The following AKAP12 variants were observed in gnomAD, a reference collection of about 807,000 sequenced individuals.
AKAP12 encodes the protein A-kinase anchor protein 12.
AKAP12 carries 32 observed loss-of-function variants against 79.9 expected under a neutral mutation model. That is an observed-to-expected ratio of 0.40 (90% CI 0.30 to 0.54). The LOEUF is 0.54. Ranked by LOEUF, AKAP12 falls within the 20% of genes least tolerant of loss-of-function variation. The pLI is 0.48. For synonymous variants in AKAP12, 808 were observed against 857.0 expected (o/e 0.94, Z 1.00); for missense variants, 2,074 against 2,177.0 (o/e 0.95, Z 0.94).
intron 2 of AKAP12, among the ~76,000 whole-genome samples, chr6:151,289,484 A>T (rs1345948521): frequency 1.3e-5 from 2 of 152,238 alleles, no homozygotes; most frequent in Non-Finnish European, 2.9e-5. Flanking sequence ...AAAAAAGCAA[A>T]AAGCCAAAAA....
At chr6:151,286,980 C>A (rs1440897253) in intron 2 of AKAP12, among the ~76,000 whole-genome samples, 1 of 151,782 alleles carries the variant, frequency 6.6e-6, no homozygotes, top group Non-Finnish European at 1.5e-5. Flanking sequence ...GCTCTGTTGC[C>A]CAGGCTGGAG....
At chr6:151,261,141 A>G (rs1797421804) in intron 2 of AKAP12, among the ~76,000 whole-genome samples, 1 of 151,308 alleles carries the variant, frequency 6.6e-6, no homozygotes, top group Admixed American at 6.6e-5. Flanking sequence ...TAATCCCAGC[A>G]CTCTGGGAGA....
In AKAP12 at chr6:151,353,582, A is replaced by G; in HGVS notation, c.5191A>G (p.Asn1731Asp). The change falls in exon 4 of 5, where the codon AAT becomes GAT. Residue 1731 changes from asparagine to aspartate, a missense_variant. Coordinates refer to ENST00000402676, the MANE Select transcript of AKAP12 (RefSeq NM_005100.4). ...CTTAACCAAAGAGTCCCCAGATACA[A>G]ATGGACCAAAACAAAAAGAGAAGGA... ...GGLTKESPDTNGPKQKEKEDA... is the reference protein window; with the variant it reads ...GGLTKESPDTDGPKQKEKEDA... The G allele has an allele frequency of 6.2e-7, 1 of 1,614,170 alleles. No homozygotes were observed. The highest frequency in any genetic ancestry group is 1.1e-5 in the South Asian group (1 of 91,080).
chr6:151,338,372 T>C (rs1448762936), intron 3 of AKAP12, among the ~76,000 whole-genome samples: 2 of 152,204 alleles, frequency 1.3e-5, no homozygotes, highest in Non-Finnish European at 2.9e-5. Context: ...TTTGATATGT[T>C]CAAAGTATAA....
At chr6:151,272,238 A>AGGAG (rs1776197337) in intron 2 of AKAP12, among the ~76,000 whole-genome samples, 1 of 150,514 alleles carries the variant, frequency 6.6e-6, no homozygotes, top group African/African-American at 2.4e-5. Context: ...CTAGCTACTT[A>AGGAG]GGAGGACTAG....
chr6:151,328,890 T>G (rs1582885126), intron 3 of AKAP12, among the ~76,000 whole-genome samples: 1 of 151,410 alleles, frequency 6.6e-6, no homozygotes, highest in African/African-American at 2.4e-5. Context: ...ATTATCCCCC[T>G]CCCCCCTGCC....
intron 2 of AKAP12, among the ~76,000 whole-genome samples, chr6:151,254,554 T>C (rs994033270): frequency 2.0e-5 from 3 of 152,236 alleles, no homozygotes; most frequent in South Asian, 4.1e-4. Context: ...TTTCGCCAAG[T>C]TGGTCAGACT....
intron 3 of AKAP12, among the ~76,000 whole-genome samples, chr6:151,323,055 A>T (rs539031240): frequency 7.2e-5 from 11 of 152,342 alleles, no homozygotes; most frequent in Non-Finnish European, 1.3e-4. Flanking sequence ...CTTAGGTCTC[A>T]TCTTTACTCC....
rs373992297 is a variant in AKAP12 at position 151,341,759 on chromosome 6, A to C, written c.320-6952A>C. On this transcript the variant is annotated intron_variant, in intron 3 of 4. Transcript: ENST00000402676. Reference sequence around the variant, plus strand: ...GGACACGGAATCCCGAGGGCCACCAACTGTCCCTTAGGACCGGCCCGAGAT... The same window carrying C: ...GGACACGGAATCCCGAGGGCCACCACCTGTCCCTTAGGACCGGCCCGAGAT... 130 of 1,285,790 alleles carry C rather than the reference A, an allele frequency of 1.0e-4. 1 individual carries two copies. In the East Asian group the frequency reaches 5.8e-3, roughly 58 times the overall value. 79.6% of individuals were successfully genotyped at this position (1,285,790 alleles called of 1,614,324 possible).
chr6:151,258,162 C>T (rs965470930), intron 2 of AKAP12, among the ~76,000 whole-genome samples: 1 of 152,146 alleles, frequency 6.6e-6, no homozygotes, highest in African/African-American at 2.4e-5. Flanking sequence ...AACTCTCTGC[C>T]GCTCCTGCAA....
At chr6:151,339,949 C>A (rs1777906178) in intron 3 of AKAP12, among the ~76,000 whole-genome samples, 1 of 150,648 alleles carries the variant, frequency 6.6e-6, no homozygotes, top group Non-Finnish European at 1.5e-5. Flanking sequence ...TTTTTTGAGA[C>A]AGAGTCTCGC....
intron 3 of AKAP12, among the ~76,000 whole-genome samples, chr6:151,327,365 C>T (rs1156461446): frequency 2.0e-5 from 3 of 151,972 alleles, no homozygotes; most frequent in Non-Finnish European, 4.4e-5. Context: ...TGCCATATCT[C>T]GAAACTATTA....
chr6:151,246,193 T>C (rs1285182835), intron 2 of AKAP12, among the ~76,000 whole-genome samples: 1 of 151,972 alleles, frequency 6.6e-6, no homozygotes, highest in Non-Finnish European at 1.5e-5. Context: ...CCGAGGCAGG[T>C]GAATCACAAG....
At chr6:151,262,165 G>GGTCTCAGGTGATCCACCC in intron 2 of AKAP12, among the ~76,000 whole-genome samples, 1 of 152,182 alleles carries the variant, frequency 6.6e-6, no homozygotes, top group Middle Eastern at 3.4e-3. Flanking sequence ...TGGTCACACT[G>GGTCTCAGGTGATCCACCC]GTCTCAGGTG....
At chr6:151,332,251 T>A (rs1777695072) in intron 3 of AKAP12, among the ~76,000 whole-genome samples, 1 of 151,946 alleles carries the variant, frequency 6.6e-6, no homozygotes, top group African/African-American at 2.4e-5. Flanking sequence ...TTAGCCAGGA[T>A]GGTCTCGATC....
At chr6:151,297,477 G>A (rs1776761027) in intron 2 of AKAP12, among the ~76,000 whole-genome samples, 1 of 151,550 alleles carries the variant, frequency 6.6e-6, no homozygotes, top group Non-Finnish European at 1.5e-5. Context: ...GGAGGCTGAG[G>A]CAGGAGAATC....
intron 3 of AKAP12, chr6:151,325,638 T>G: frequency 1.5e-6 from 2 of 1,374,648 alleles, no homozygotes; most frequent in African/African-American, 1.5e-5. Flanking sequence ...TGGGTGGGGG[T>G]CCGCCTATAA....
intron 2 of AKAP12, among the ~76,000 whole-genome samples, chr6:151,267,037 AAAAG>A (rs1413369872): frequency 1.7e-4 from 26 of 150,456 alleles, no homozygotes; most frequent in East Asian, 1.9e-4. Context: ...AAAAAAAAAA[AAAAG>A]GAGAACATGA....
rs1052963907 is a variant in AKAP12, at chr6:151,349,067, G to A, written c.676G>A (p.Ala226Thr). 3.1e-6 allele frequency: 5 copies of A among 1,612,280 alleles called. No homozygotes were observed. The highest frequency in any genetic ancestry group is 4.2e-6 in the Non-Finnish European group (5 of 1,179,610). Residue 226 changes from alanine (A) to threonine (T), a missense_variant, in exon 4 of 5, where the codon GCA becomes ACA. Ala to Thr is a moderately conservative substitution (Grantham distance 58). Coordinates refer to ENST00000402676, the MANE Select transcript of AKAP12 (RefSeq NM_005100.4). ...CCCCAGCCTTGGGGCTGGAGAAGCA[G>A]CATCCAAAGAAAGCGAACCCAAACA... ...KDPSLGAGEA[A>T]SKESEPKQST...
Sources: allele counts gnomAD v4.1 joint callset (sites outside exome capture counted in the v4.1 genomes callset), GRCh38; gene constraint gnomAD v4.1.1; transcripts MANE v1.5; gene names NCBI Gene and HGNC (gene_info 2026-07-23, HGNC 2026-07-21).